RNF17: variants seen among roughly 807,000 people sequenced by gnomAD.
The protein encoded by RNF17 is ring finger protein 17.
A neutral mutation model predicts 200.5 loss-of-function variants in RNF17; 31 were observed. That is an observed-to-expected ratio of 0.15 (90% CI 0.12 to 0.21). The LOEUF is 0.21. Ranked by LOEUF, RNF17 falls within the 10% of genes least tolerant of loss-of-function variation. RNF17 has a pLI of 1.00. For missense variants in RNF17, 1,628 were observed against 1,905.1 expected (o/e 0.85, Z 2.71); for synonymous variants, 606 against 637.8 (o/e 0.95, Z 0.75).
chr13:24,881,896 CTATATAGA>C (rs1453353789), downstream of RNF17, among the ~76,000 whole-genome samples: 37 of 124,414 alleles, frequency 3.0e-4, no homozygotes, highest in African/African-American at 9.7e-4. Context: ...ATAGATACAT[CTATATAGA>C]TATATAGATA....
downstream of RNF17, chr13:24,883,048 G>T: frequency 1.2e-6 from 1 of 825,950 alleles, no homozygotes; most frequent in Non-Finnish European, 2.0e-6. Flanking sequence ...ATGCCACAGG[G>T]TAAACTTTTA....
intron 2 of RNF17, among the ~76,000 whole-genome samples, chr13:24,768,419 G>A (rs1044388458): frequency 2.0e-5 from 3 of 151,836 alleles, no homozygotes; most frequent in South Asian, 4.2e-4. Flanking sequence ...CAAGTAGCTG[G>A]GACTGTAGGT....
chr13:24,828,662 A>G (rs376415611), intron 16 of RNF17, among the ~76,000 whole-genome samples: 1 of 151,160 alleles, frequency 6.6e-6, no homozygotes, highest in Non-Finnish European at 1.5e-5. Context: ...AAATAAAGCC[A>G]TAAAGTATAC....
rs150480503 is a variant in RNF17 at position 24,845,605 on chromosome 13, G to A, written c.3101+526G>A. Among the ~76,000 whole-genome samples, 329 of 152,262 alleles carry A rather than the reference G, an allele frequency of 2.2e-3. 2 individuals carry two copies. Among genetic ancestry groups the A allele is most frequent in the Non-Finnish European group, 7.8e-4 (53 of 68,008 alleles). Reference sequence around the variant, plus strand: ...ACCTTTACAGTATCAACATTTGTGTGGCAGGATTTGGAGGGAAGGCAGACT... The same window carrying A: ...ACCTTTACAGTATCAACATTTGTGTAGCAGGATTTGGAGGGAAGGCAGACT... On this transcript the variant is annotated intron_variant, in intron 22 of 35. Coordinates refer to ENST00000255324, the MANE Select transcript of RNF17 (RefSeq NM_031277.3).
chr13:24,763,355 G>C (rs992393910), upstream of RNF17, among the ~76,000 whole-genome samples: 1 of 145,716 alleles, frequency 6.9e-6, no homozygotes, highest in East Asian at 2.0e-4. Context: ...GGCGCCCACC[G>C]CCACGTCCGG....
At chr13:24,842,211 T>C (rs752487105) in intron 19 of RNF17, 50 bp downstream of exon 19, 26 of 1,488,660 alleles carry the variant, frequency 1.7e-5, no homozygotes, top group Non-Finnish European at 2.4e-5. Flanking sequence ...TTATGTAACA[T>C]TGTAATCACA....
intron 11 of RNF17, among the ~76,000 whole-genome samples, chr13:24,797,706 G>GTTTGTGTGTCTCTC (rs1491437559): frequency 1.8e-5 from 1 of 56,670 alleles, no homozygotes; most frequent in South Asian, 4.7e-4. Context: ...GAGACAAAGA[G>GTTTGTGTGTCTCTC]TGTGTGTGTG....
intron 25 of RNF17, among the ~76,000 whole-genome samples, chr13:24,854,887 T>C (rs1029642813): frequency 6.6e-6 from 1 of 152,202 alleles, no homozygotes; most frequent in African/African-American, 2.4e-5. Context: ...CACATACACA[T>C]TGCCCATGAT....
intron 1 of RNF17, 167 bp downstream of exon 1, chr13:24,764,500 G>A: frequency 3.1e-6 from 2 of 645,156 alleles, no homozygotes; most frequent in Non-Finnish European, 3.9e-6. Flanking sequence ...TAAGAGGGCA[G>A]TGCTTGGGTT....
At chr13:24,822,405 A>G (rs939132637) in intron 15 of RNF17, among the ~76,000 whole-genome samples, 16 of 151,926 alleles carry the variant, frequency 1.1e-4, no homozygotes, top group Non-Finnish European at 2.2e-4. Flanking sequence ...CTCTCTGCCT[A>G]AGTAATTTCT....
intron 18 of RNF17, among the ~76,000 whole-genome samples, chr13:24,839,629 G>A (rs1448789576): frequency 1.3e-5 from 2 of 152,076 alleles, no homozygotes; most frequent in Non-Finnish European, 2.9e-5. Flanking sequence ...CATAAAGTGG[G>A]GAAAGGACAC....
chr13:24,830,655 T>C, intron 17 of RNF17, 56 bp downstream of exon 17: 1 of 1,176,096 alleles, frequency 8.5e-7, no homozygotes, highest in South Asian at 1.3e-5. Flanking sequence ...TATGGAAGTA[T>C]TTTTAGAAGC....
the RNF17 span, among the ~76,000 whole-genome samples, chr13:24,758,428 C>A: frequency 1.1e-4 from 16 of 152,046 alleles, no homozygotes; most frequent in Non-Finnish European, 2.1e-4. Flanking sequence ...ATCTGAAAAA[C>A]ATATATTTAA....
At chr13:24,821,559 G>A (rs942881042) in intron 15 of RNF17, among the ~76,000 whole-genome samples, 39 of 151,618 alleles carry the variant, frequency 2.6e-4, no homozygotes, top group Admixed American at 2.4e-3. Flanking sequence ...TCTCAGACTC[G>A]ATATTTAAAT....
upstream of RNF17, among the ~76,000 whole-genome samples, chr13:24,763,969 G>A (rs1278911590): frequency 9.2e-5 from 14 of 152,214 alleles, no homozygotes. Context: ...GACTCTTTGG[G>A]TAGAACGTAA....
intron 16 of RNF17, among the ~76,000 whole-genome samples, chr13:24,826,437 C>T (rs1002557100): frequency 3.9e-5 from 6 of 152,066 alleles, no homozygotes; most frequent in Non-Finnish European, 7.4e-5. Flanking sequence ...TGTGTTGTTT[C>T]TTTTATATGC....
chr13:24,812,518 ACC>A (rs1446054138), intron 15 of RNF17, among the ~76,000 whole-genome samples: 1 of 151,998 alleles, frequency 6.6e-6, no homozygotes, highest in Non-Finnish European at 1.5e-5. Context: ...TGGTGCATGC[ACC>A]CACTGACCTG....
the RNF17 span, among the ~76,000 whole-genome samples, chr13:24,887,590 T>C: frequency 2.0e-5 from 3 of 152,176 alleles, no homozygotes; most frequent in African/African-American, 7.2e-5. Flanking sequence ...GACCATCTAA[T>C]TGCAGGAAAA....
rs76007642 is a variant in RNF17 at position 24,859,518 on chromosome 13, G to T, written c.3774+354G>T. Among the ~76,000 whole-genome samples the T allele has an allele frequency of 3.9e-4, 60 of 152,034 alleles. 1 individual carries two copies. In the East Asian group the frequency reaches 0.01, roughly 26 times the overall value. On this transcript the variant is annotated intron_variant, in intron 26 of 35. Coordinates refer to ENST00000255324, the MANE Select transcript of RNF17 (RefSeq NM_031277.3). ...GTTTATGGCCCTGTTAGTTTTTCAG[G>T]ATAACGACTAATTTACCTTTCCAGA...
Sources: gnomAD v4.1 joint callset for allele counts (sites outside exome capture counted in the v4.1 genomes callset) on GRCh38, gnomAD v4.1.1 for gene constraint, MANE v1.5 for transcripts, NCBI Gene and HGNC (gene_info 2026-07-23, HGNC 2026-07-21) for gene names.